Variants in NDUFS2 observed in about 807,000 individuals in gnomAD.
The protein encoded by NDUFS2 is NADH dehydrogenase [ubiquinone] iron-sulfur protein 2, mitochondrial.
A neutral mutation model predicts 69.6 loss-of-function variants in NDUFS2; 38 were observed. The observed-to-expected ratio is 0.55, with a 90% CI of 0.42 to 0.72. NDUFS2 has a LOEUF of 0.72. Among genes scored for constraint, NDUFS2 ranks in the 30% least tolerant of loss-of-function variants. The pLI is 0.00. For missense variants in NDUFS2, 468 were observed against 595.0 expected, an observed-to-expected ratio of 0.79 and a Z score of 2.22; for synonymous variants, 194 against 211.2, an observed-to-expected ratio of 0.92 and a Z score of 0.70.
chr1:161,203,592 G>C (rs774189841), intron 2 of NDUFS2, 49 bp downstream of exon 2: 5 of 1,456,812 alleles, frequency 3.4e-6, no homozygotes, highest in Non-Finnish European at 4.8e-6. Flanking sequence ...CCTGCCCCCA[G>C]CTGATTTCCT....
intron 11 of NDUFS2, 63 bp from the exon 12 acceptor site, chr1:161,213,586 T>A: frequency 1.3e-6 from 2 of 1,578,580 alleles, no homozygotes; most frequent in South Asian, 1.1e-5. Context: ...GAATAGAGGT[T>A]TTGTTGGCAG....
rs563504406 is a variant in NDUFS2, at chr1:161,210,845, C to G, written c.986+135C>G. 5 of 1,329,028 alleles carry G rather than the reference C, an allele frequency of 3.8e-6. No homozygotes were observed. In the Admixed American group the frequency reaches 5.7e-5, roughly 15 times the overall value. The allele number at this position is 1,329,028 out of a possible 1,614,324, so 82.3% of individuals were successfully genotyped here. ...TGTGTGTGTTAGACGAGGTTGCTCT[C>G]AAAACACTTTCACATATATGGAATC... is the stretch of plus-strand genomic sequence containing the variant. On this transcript the variant is annotated intron_variant, in intron 9 of 13. Coordinates refer to ENST00000676972, the MANE Select transcript of NDUFS2 (RefSeq NM_001377299.1).
chr1:161,210,033 CT>C, intron 6 of NDUFS2, 77 bp from the exon 7 acceptor site: 2 of 1,589,236 alleles, frequency 1.3e-6, no homozygotes, highest in Non-Finnish European at 1.7e-6. Flanking sequence ...ACCTGTATCG[CT>C]GGGGGAGGGG....
intron 3 of NDUFS2, 106 bp downstream of exon 3, chr1:161,206,703 G>T (rs184257971): frequency 3.3e-6 from 4 of 1,205,232 alleles, no homozygotes; most frequent in Non-Finnish European, 4.7e-6. Context: ...GGTGTTGAGA[G>T]GAGTAACCCG....
At chr1:161,202,040 A>G, upstream of NDUFS2, 1 of 410,030 alleles carries the variant, frequency 2.4e-6, no homozygotes, top group Non-Finnish European at 4.6e-6. Flanking sequence ...GGAAGGGAGT[A>G]GGGAAGGAAG....
chr1:161,212,616 G>A, intron 10 of NDUFS2, 136 bp downstream of exon 10: 1 of 1,194,378 alleles, frequency 8.4e-7, no homozygotes, highest in Non-Finnish European at 1.2e-6. Flanking sequence ...TGCCCAGACT[G>A]GAGTGCAATC....
chr1:161,199,188 T>A (rs916496942), upstream of NDUFS2: 3 of 152,270 alleles, frequency 2.0e-5, no homozygotes, highest in Non-Finnish European at 4.4e-5. Flanking sequence ...AAAATGGGAC[T>A]TGCCCAGGGG....
chr1:161,206,927 G>A (rs1665499744), intron 3 of NDUFS2, among the ~76,000 whole-genome samples: 1 of 152,138 alleles, frequency 6.6e-6, no homozygotes, highest in Admixed American at 6.5e-5. Context: ...GTCCCTAGGG[G>A]CAGGGAAAGA....
chr1:161,206,366 G>A (rs767232996), intron 2 of NDUFS2, 41 bp from the exon 3 acceptor site: 60 of 1,607,274 alleles, frequency 3.7e-5, no homozygotes, highest in Admixed American at 3.0e-4. Flanking sequence ...GGGATCCCAA[G>A]GGAATAACCA....
chr1:161,211,127 G>A (rs991178542), intron 9 of NDUFS2, among the ~76,000 whole-genome samples: 1 of 152,098 alleles, frequency 6.6e-6, no homozygotes, highest in South Asian at 2.1e-4. Context: ...TACCCGCCTC[G>A]GCCTCCAAAA....
intron 6 of NDUFS2, 43 bp downstream of exon 6, chr1:161,209,974 A>G (rs754507043): frequency 5.0e-6 from 8 of 1,611,336 alleles, no homozygotes; most frequent in African/African-American, 2.7e-5. Flanking sequence ...GCCCAGGCCT[A>G]TTTTCCCTGT....
rs1665488016 is a variant in NDUFS2 at position 161,206,699 on chromosome 1, G to C, written c.393+102G>C. ...TAAAACGTGAGGGGAGGAAGGTGTT[G>C]AGAGGAGTAACCCGTTGAGATTACT... On this transcript the variant is annotated intron_variant, in intron 3 of 13. Coordinates refer to ENST00000676972, the MANE Select transcript of NDUFS2 (RefSeq NM_001377299.1). 11 of 1,261,610 alleles carry C rather than the reference G, an allele frequency of 8.7e-6. No individual in the cohort carries two copies. In the South Asian group the frequency reaches 1.5e-4, roughly 17 times the overall value. 78.2% of individuals were successfully genotyped at this position (1,261,610 alleles called of 1,614,324 possible). A position where few individuals can be genotyped will look rare whatever the true frequency, so the allele number is the denominator to read the frequency against.
At chr1:161,205,395 G>C (rs761616959) in intron 2 of NDUFS2, among the ~76,000 whole-genome samples, 5 of 151,994 alleles carry the variant, frequency 3.3e-5, no homozygotes, top group Non-Finnish European at 5.9e-5. Flanking sequence ...CTAAGATTTG[G>C]CCCATGTTGA....
intron 9 of NDUFS2, among the ~76,000 whole-genome samples, chr1:161,211,721 G>A (rs1017877938): frequency 1.1e-5 from 1 of 93,670 alleles, no homozygotes; most frequent in African/African-American, 3.9e-5. Flanking sequence ...ATTTGTTACT[G>A]TGTATTGTTT....
chr1:161,206,082 A>C (rs1450752560), intron 2 of NDUFS2, among the ~76,000 whole-genome samples: 1 of 152,160 alleles, frequency 6.6e-6, no homozygotes, highest in African/African-American at 2.4e-5. Flanking sequence ...TAAAGTGCCT[A>C]AGGTAGTGCC....
rs770596146 is a variant in NDUFS2 at position 161,209,297 on chromosome 1, G to T, written c.498G>T (p.Arg166=). 1 of 1,614,082 alleles carries T rather than the reference G, an allele frequency of 6.2e-7. No homozygotes were observed. ...TGCTAAACATCCGGCCTCCTCCTCG[G>T]GCACAGTGGATCCGAGGTATGTCCC... ...EKLLNIRPPP[R]AQWIRVLFGE... Residue 166 remains arginine (R), a synonymous_variant, in exon 4 of 14, where the codon CGG becomes CGT. Transcript: ENST00000676972.
In NDUFS2 at chr1:161,210,123, G is replaced by C; in HGVS notation, c.715G>C (p.Gly239Arg). 1.2e-6 allele frequency: 2 copies of C among 1,614,034 alleles called. No individual in the cohort carries two copies. Among genetic ancestry groups the C allele is most frequent in the Non-Finnish European group, 1.7e-6 (2 of 1,179,988 alleles). The part of the protein sequence containing the change: ...PGGVHQDLPL[G>R]LMDDIYQFSK... The stretch of plus-strand genomic sequence containing the variant: ...GTTTGGCTTCTAGGACCTACCCCTT[G>C]GGCTTATGGATGACATTTATCAGTT... The change falls in exon 7 of 14, where the codon GGG (glycine) becomes CGG (arginine). Residue 239 changes from glycine to arginine, a missense_variant. This residue lies in a region of NDUFS2 where 339 missense variants were observed against 433.8 expected (regional missense o/e 0.78). Transcript: ENST00000676972.
Position 161,206,381 on chromosome 1 carries a change from G to T in NDUFS2, c.203-26G>T, listed in dbSNP as rs763564175. On this transcript the variant is annotated intron_variant, in intron 2 of 13. Transcript: ENST00000676972. ...GGGATCCCAAGGGAATAACCATGTGGCTCTGAACTATTTCTTACTTCTCAG... is the reference window on the plus strand; with the variant it reads ...GGGATCCCAAGGGAATAACCATGTGTCTCTGAACTATTTCTTACTTCTCAG... 6.2e-6 allele frequency: 10 copies of T among 1,612,476 alleles called. No homozygotes were observed. In the South Asian group the frequency reaches 9.9e-5, roughly 16 times the overall value.
intron 13 of NDUFS2, 109 bp downstream of exon 13, chr1:161,214,030 CGG>C: frequency 1.9e-6 from 3 of 1,613,350 alleles, no homozygotes; most frequent in Non-Finnish European, 2.5e-6. Flanking sequence ...GGCATGGACT[CGG>C]GTCCTCAATC....
Sources: gnomAD v4.1 joint callset for allele counts (sites outside exome capture counted in the v4.1 genomes callset) on GRCh38, gnomAD v4.1.1 for gene constraint, gnomAD v4.1.1 regional missense constraint, MANE v1.5 for transcripts, NCBI Gene and HGNC (gene_info 2026-07-23, HGNC 2026-07-21) for gene names.